SLC41A3: variants seen among roughly 807,000 people sequenced by gnomAD.
The protein encoded by SLC41A3 is solute carrier family 41 member 3.
A neutral mutation model predicts 45.4 loss-of-function variants in SLC41A3; 44 were observed. That is an observed-to-expected ratio of 0.97 (90% CI 0.76 to 1.25). SLC41A3 has a LOEUF of 1.25. Ranked by LOEUF, SLC41A3 falls within the 50% of genes most tolerant of loss-of-function variation. The probability of loss-of-function intolerance (pLI) is 0.00; values close to 1 mark genes in which losing one functional copy is unlikely to be tolerated. For synonymous variants in SLC41A3, 256 were observed against 252.4 expected (o/e 1.01, Z -0.13); for missense variants, 550 against 600.6 (o/e 0.92, Z 0.88).
chr3:126,084,053 C>A (rs1260418434), intron 1 of SLC41A3, 40 bp downstream of exon 1: 1 of 151,904 alleles, frequency 6.6e-6, no homozygotes, highest in Non-Finnish European at 1.5e-5. Flanking sequence ...GCTGACCCCA[C>A]CTTCCGCCCC....
chr3:126,022,843 C>A lies in SLC41A3; in HGVS notation c.688G>T (p.Asp230Tyr). Residue 230 changes from aspartate (D) to tyrosine (Y), a missense_variant, in exon 6 of 11, where the codon GAC (aspartate) becomes TAC (tyrosine). Coordinates refer to ENST00000360370, the MANE Select transcript of SLC41A3 (RefSeq NM_017836.4). ...IATPIAASLG[D>Y]LITLSILALV... is the part of the protein sequence containing the mutation. ...GCCAGAATGGACAGTGTGATGAGGT[C>A]TCCCAGGCTGGCTGCAATGGGCGTG... is the stretch of plus-strand genomic sequence containing the variant. 6.2e-7 allele frequency: 1 copy of A among 1,614,220 alleles called. No individual in the cohort carries two copies. The highest frequency in any genetic ancestry group is 1.6e-4 in the Middle Eastern group (1 of 6,062).
intron 3 of SLC41A3, among the ~76,000 whole-genome samples, chr3:126,048,950 A>G (rs1283124315): frequency 6.6e-6 from 1 of 152,222 alleles, no homozygotes; most frequent in South Asian, 2.1e-4. Context: ...AAAACCTTTG[A>G]AGGTTCTACT....
At chr3:126,083,864 C>T (rs1945293595) in intron 1 of SLC41A3, 1 of 150,462 alleles carries the variant, frequency 6.6e-6, no homozygotes. Context: ...CCCTCCGACC[C>T]CTCGTGTTTA....
At chr3:126,078,557 C>A (rs1405288010) in intron 1 of SLC41A3, among the ~76,000 whole-genome samples, 1 of 152,208 alleles carries the variant, frequency 6.6e-6, no homozygotes, top group East Asian at 1.9e-4. Flanking sequence ...GGGGTCCCTG[C>A]AATGCCAGAT....
chr3:126,089,744 T>C (rs1945455100), intron 1 of SLC41A3, among the ~76,000 whole-genome samples: 1 of 152,222 alleles, frequency 6.6e-6, no homozygotes. Flanking sequence ...GGAATGTTAA[T>C]TGAAGCTATC....
chr3:126,022,676 C>A, intron 6 of SLC41A3, 110 bp downstream of exon 6: 1 of 1,380,938 alleles, frequency 7.2e-7, no homozygotes, highest in Non-Finnish European at 1.0e-6. Flanking sequence ...CACATTCAAA[C>A]AACAGCACAT....
chr3:126,063,359 T>C (rs905725277), intron 2 of SLC41A3, among the ~76,000 whole-genome samples: 3 of 151,972 alleles, frequency 2.0e-5, no homozygotes, highest in African/African-American at 7.2e-5. Context: ...CCATTCACGG[T>C]GGGAGCTATA....
chr3:126,006,478 T>TGCAGATG lies in SLC41A3; in HGVS notation c.*531_*537dup. 1.9e-6 allele frequency: 3 copies of TGCAGATG among 1,614,034 alleles called. No individual in the cohort carries two copies. In the South Asian group the frequency reaches 3.3e-5, roughly 18 times the overall value. On this transcript the variant is annotated 3_prime_UTR_variant, in exon 11 of 11. Transcript: ENST00000360370. ...AGCAAGGACACGATTAAATGTTGAG[T>TGCAGATG]GCAGATGAAGGGTTGTATGAGGCCC...
At chr3:126,017,002 C>T in intron 6 of SLC41A3, 127 bp from the exon 7 acceptor site, 3 of 1,166,004 alleles carry the variant, frequency 2.6e-6, no homozygotes, top group Middle Eastern at 5.4e-4. Flanking sequence ...GGGGAACTGC[C>T]TTGCCATACT....
Position 126,007,073 on chromosome 3 carries a change from T to C in SLC41A3, c.1407A>G (p.Leu469=). The C allele has an allele frequency of 6.2e-7, 1 of 1,614,168 alleles. No homozygotes were observed. The highest frequency in any genetic ancestry group is 1.1e-5 in the South Asian group (1 of 91,078). Residue 469 remains leucine (L), a synonymous_variant, in exon 11 of 11, where the codon CTA becomes CTG. Coordinates refer to ENST00000360370, the MANE Select transcript of SLC41A3 (RefSeq NM_017836.4). The part of the protein sequence containing the change: ...LLALCFFTDW[L]LKSKAELGGI... ...CACCCAGCTCTGCCTTGCTCTTCAG[T>C]AGCCAGTCAGTGAAAAAGCAGAGTG...
At chr3:126,011,280 A>G (rs995118550) in intron 9 of SLC41A3, among the ~76,000 whole-genome samples, 3 of 152,234 alleles carry the variant, frequency 2.0e-5, no homozygotes, top group African/African-American at 4.8e-5. Context: ...TGTTAAAACT[A>G]AACACATACA....
intron 3 of SLC41A3, among the ~76,000 whole-genome samples, chr3:126,037,153 T>C (rs776363265): frequency 1.3e-5 from 2 of 152,194 alleles, no homozygotes; most frequent in Non-Finnish European, 2.9e-5. Flanking sequence ...TGAGTTCACA[T>C]GACAGCTAAT....
chr3:126,036,964 C>T (rs1302712849), intron 3 of SLC41A3, among the ~76,000 whole-genome samples: 1 of 152,146 alleles, frequency 6.6e-6, no homozygotes, highest in Non-Finnish European at 1.5e-5. Context: ...CCTGATAATA[C>T]TTATATAACC....
chr3:126,054,674 A>T (rs1021645983), intron 2 of SLC41A3, among the ~76,000 whole-genome samples: 1 of 151,796 alleles, frequency 6.6e-6, no homozygotes, highest in South Asian at 2.1e-4. Flanking sequence ...TTAAAGTCCA[A>T]ATCAAATTGT....
chr3:126,045,947 T>C (rs1261814676), intron 3 of SLC41A3, among the ~76,000 whole-genome samples: 1 of 151,228 alleles, frequency 6.6e-6, no homozygotes, highest in East Asian at 1.9e-4. Flanking sequence ...ACAAGATAGC[T>C]CCACATACAA....
intron 1 of SLC41A3, chr3:126,095,449 A>C (rs1344762786): frequency 2.1e-6 from 1 of 479,754 alleles, no homozygotes; most frequent in Non-Finnish European, 3.7e-6. Flanking sequence ...GAGTAATTTA[A>C]TAGTAGCTAC....
intron 3 of SLC41A3, among the ~76,000 whole-genome samples, chr3:126,040,897 A>G (rs1942549098): frequency 6.6e-6 from 1 of 152,230 alleles, no homozygotes; most frequent in African/African-American, 2.4e-5. Flanking sequence ...TTGAAACTCA[A>G]CAAAGTCAAC....
At chr3:126,020,999 A>G (rs1940815190) in intron 6 of SLC41A3, among the ~76,000 whole-genome samples, 1 of 151,376 alleles carries the variant, frequency 6.6e-6, no homozygotes, top group African/African-American at 2.4e-5. Context: ...GGTTCACGCC[A>G]TTCTCCTGCC....
At chr3:126,095,124 A>G (rs940882945) in intron 1 of SLC41A3, 3 of 606,958 alleles carry the variant, frequency 4.9e-6, no homozygotes, top group Non-Finnish European at 8.8e-6. Flanking sequence ...GAGATCCAAT[A>G]ACAAAAAATT....
Sources: allele counts gnomAD v4.1 joint callset (sites outside exome capture counted in the v4.1 genomes callset), GRCh38; gene constraint gnomAD v4.1.1; transcripts MANE v1.5; gene names NCBI Gene and HGNC (gene_info 2026-07-23, HGNC 2026-07-21).